Variants in PTPRT observed in about 807,000 individuals in gnomAD.
PTPRT encodes receptor-type tyrosine-protein phosphatase T.
PTPRT carries 56 observed loss-of-function variants against 176.8 expected under a neutral mutation model. That is an observed-to-expected ratio of 0.32 (90% confidence interval 0.26 to 0.40). PTPRT has a LOEUF of 0.40. Among genes scored for constraint, PTPRT ranks in the 10% least tolerant of loss-of-function variants. The pLI, the probability that PTPRT is intolerant of heterozygous loss-of-function variation, is 1.00. For synonymous variants in PTPRT, 783 were observed against 739.0 expected, an observed-to-expected ratio of 1.06 and a Z score of -0.96; for missense variants, 1,540 against 1,908.2, an observed-to-expected ratio of 0.81 and a Z score of 3.60.
chr20:42,193,379 G>A (rs566952997), intron 16 of PTPRT, among the ~76,000 whole-genome samples: 57 of 152,358 alleles, frequency 3.7e-4, no homozygotes, highest in African/African-American at 1.3e-3. Flanking sequence ...AGAAAAGCCA[G>A]CTGACCTATC....
At chr20:42,698,222 G>A (rs1193510358) in intron 6 of PTPRT, among the ~76,000 whole-genome samples, 2 of 152,150 alleles carry the variant, frequency 1.3e-5, no homozygotes, top group South Asian at 2.1e-4. Flanking sequence ...TCGATGTTCT[G>A]CCCAGAAGGC....
intron 2 of PTPRT, among the ~76,000 whole-genome samples, chr20:42,857,934 T>C (rs138431744): frequency 6.6e-6 from 1 of 152,306 alleles, no homozygotes; most frequent in African/African-American, 2.4e-5. Context: ...ACTTTTTCTG[T>C]TTCTGTTTAT....
chr20:42,570,141 C>T (rs774024814), intron 7 of PTPRT, among the ~76,000 whole-genome samples: 2 of 152,092 alleles, frequency 1.3e-5, no homozygotes, highest in South Asian at 2.1e-4. Context: ...CAGTGTGTGT[C>T]GCCAGTGTGT....
At chr20:42,567,228 G>T (rs899213030) in intron 7 of PTPRT, among the ~76,000 whole-genome samples, 7 of 151,584 alleles carry the variant, frequency 4.6e-5, no homozygotes, top group African/African-American at 1.7e-4. Flanking sequence ...AACCAAGATG[G>T]TGCCAATGTA....
intron 9 of PTPRT, among the ~76,000 whole-genome samples, chr20:42,365,655 G>T (rs899309083): frequency 6.6e-6 from 1 of 151,226 alleles, no homozygotes; most frequent in African/African-American, 2.4e-5. Context: ...GATAGCTGAT[G>T]AGACAAAAAA....
intron 16 of PTPRT, among the ~76,000 whole-genome samples, chr20:42,165,738 G>A (rs887332726): frequency 2.6e-5 from 4 of 152,138 alleles, no homozygotes; most frequent in South Asian, 2.1e-4. Flanking sequence ...ATTTACAGGT[G>A]GCTTATGTCT....
intron 7 of PTPRT, among the ~76,000 whole-genome samples, chr20:42,501,491 T>C (rs2071749815): frequency 6.6e-6 from 1 of 152,264 alleles, no homozygotes; most frequent in South Asian, 2.1e-4. Context: ...GGGTAGTATA[T>C]ATTTACTTTC....
intron 13 of PTPRT, among the ~76,000 whole-genome samples, chr20:42,267,402 GA>G (rs1255865932): frequency 2.0e-5 from 3 of 152,194 alleles, no homozygotes; most frequent in Non-Finnish European, 2.9e-5. Context: ...CATAAGTTGA[GA>G]AGGATCCGTA....
At chr20:42,449,331 C>T (rs911675624) in intron 8 of PTPRT, among the ~76,000 whole-genome samples, 5 of 152,084 alleles carry the variant, frequency 3.3e-5, no homozygotes, top group Non-Finnish European at 5.9e-5. Flanking sequence ...TTCTATAAGC[C>T]GGTCAGTCTT....
intron 16 of PTPRT, among the ~76,000 whole-genome samples, chr20:42,181,023 T>A (rs1990498136): frequency 6.6e-6 from 1 of 152,222 alleles, no homozygotes; most frequent in Non-Finnish European, 1.5e-5. Context: ...TCATAGGTTT[T>A]AAGGATTAAA....
At chr20:43,030,143 A>G in intron 1 of PTPRT, among the ~76,000 whole-genome samples, 1 of 152,238 alleles carries the variant, frequency 6.6e-6, no homozygotes, top group Non-Finnish European at 1.5e-5. Flanking sequence ...AAAATTGAGA[A>G]TGCTTTATAA....
chr20:42,483,325 G>A (rs763336854), intron 7 of PTPRT, among the ~76,000 whole-genome samples: 23 of 152,012 alleles, frequency 1.5e-4, no homozygotes, highest in African/African-American at 3.1e-4. Flanking sequence ...CACCACGCTC[G>A]ACTAATTTTT....
intron 2 of PTPRT, among the ~76,000 whole-genome samples, chr20:42,822,480 C>T (rs1404660331): frequency 6.6e-6 from 1 of 152,136 alleles, no homozygotes; most frequent in Non-Finnish European, 1.5e-5. Flanking sequence ...CCATTCAGGA[C>T]ATAGGCATGG....
chr20:42,589,683 C>T (rs540341490), intron 7 of PTPRT, among the ~76,000 whole-genome samples: 2 of 152,112 alleles, frequency 1.3e-5, no homozygotes, highest in African/African-American at 2.4e-5. Flanking sequence ...TTCCTAGGAG[C>T]CTTGCAACTC....
At chr20:42,910,882 CA>C (rs2079535080) in intron 1 of PTPRT, among the ~76,000 whole-genome samples, 1 of 152,122 alleles carries the variant, frequency 6.6e-6, no homozygotes, top group Non-Finnish European at 1.5e-5. Context: ...GGGGAGGCCT[CA>C]AAAAACTTAT....
chr20:42,237,026 A>G (rs147560789), intron 14 of PTPRT, among the ~76,000 whole-genome samples: 73 of 152,306 alleles, frequency 4.8e-4, no homozygotes, highest in African/African-American at 1.7e-3. Flanking sequence ...CCCTGAGGCT[A>G]CCATGCTGGA....
chr20:42,227,074 C>T (rs1325565049), intron 15 of PTPRT, among the ~76,000 whole-genome samples: 3 of 151,834 alleles, frequency 2.0e-5, no homozygotes. Context: ...TGGGAGAGTC[C>T]CAAGCTGGGT....
chr20:43,162,018 T>C (rs1023928439), intron 1 of PTPRT, among the ~76,000 whole-genome samples: 3 of 152,210 alleles, frequency 2.0e-5, no homozygotes, highest in African/African-American at 7.2e-5. Flanking sequence ...AACATTACCA[T>C]GCTAATATGG....
intron 1 of PTPRT, among the ~76,000 whole-genome samples, chr20:42,941,095 A>AT (rs1980524283): frequency 6.6e-6 from 1 of 150,904 alleles, no homozygotes; most frequent in African/African-American, 2.4e-5. Context: ...AAAAAATAAT[A>AT]ATAATAATAA....
Sources: gnomAD v4.1 joint callset for allele counts (sites outside exome capture counted in the v4.1 genomes callset) on GRCh38, gnomAD v4.1.1 for gene constraint, MANE v1.5 for transcripts, NCBI Gene and HGNC (gene_info 2026-07-23, HGNC 2026-07-21) for gene names.